SV2C: variants seen among roughly 807,000 people sequenced by gnomAD.
SV2C encodes the protein solute carrier family 22 member B3.
In SV2C, 49 loss-of-function variants were observed where a neutral mutation model predicts 79.7. The observed-to-expected ratio is 0.61, with a 90% CI of 0.49 to 0.78. The LOEUF is 0.78. Ranked by LOEUF, SV2C falls within the 30% of genes least tolerant of loss-of-function variation. The pLI is 0.00. For synonymous variants in SV2C, 334 were observed against 333.2 expected, an observed-to-expected ratio of 1.00 and a Z score of -0.03; for missense variants, 833 against 912.9, an observed-to-expected ratio of 0.91 and a Z score of 1.13.
the SV2C span, among the ~76,000 whole-genome samples, chr5:76,023,115 G>T: frequency 6.6e-6 from 1 of 152,268 alleles, no homozygotes; most frequent in Non-Finnish European, 1.5e-5. Context: ...ATTTGTAGAT[G>T]TGAGGTTCTA....
intron 4 of SV2C, among the ~76,000 whole-genome samples, chr5:76,222,682 G>A: frequency 6.6e-6 from 1 of 152,152 alleles, no homozygotes; most frequent in East Asian, 1.9e-4. Context: ...GTGTACATGG[G>A]ATCTCTCTGT....
At chr5:76,133,143 A>G (rs895085905) in intron 2 of SV2C, among the ~76,000 whole-genome samples, 15 of 152,208 alleles carry the variant, frequency 9.9e-5, no homozygotes, top group Non-Finnish European at 2.1e-4. Flanking sequence ...AGAAGCAAGC[A>G]TGCAGTGAAC....
chr5:76,134,864 T>C (rs1200446658), intron 2 of SV2C, among the ~76,000 whole-genome samples: 2 of 152,342 alleles, frequency 1.3e-5, no homozygotes, highest in South Asian at 2.1e-4. Context: ...GCACTTACTG[T>C]GTGTAAAGCA....
chr5:76,352,636 T>C (rs1006215184), intron 12 of SV2C, among the ~76,000 whole-genome samples: 83 of 152,338 alleles, frequency 5.4e-4, no homozygotes, highest in African/African-American at 1.9e-3. Context: ...GAAAGAAATA[T>C]GTTCTTTATA....
chr5:76,183,972 T>G (rs1157775693), intron 2 of SV2C, among the ~76,000 whole-genome samples: 1 of 152,238 alleles, frequency 6.6e-6, no homozygotes, highest in Non-Finnish European at 1.5e-5. Flanking sequence ...TGTTTCATTC[T>G]GTGGTAATTA....
At chr5:76,231,491 G>A (rs1265963579) in intron 4 of SV2C, among the ~76,000 whole-genome samples, 4 of 151,436 alleles carry the variant, frequency 2.6e-5, no homozygotes, top group Non-Finnish European at 5.9e-5. Context: ...CATTGTGCAG[G>A]TTAGTTACAT....
chr5:76,174,125 G>A, intron 2 of SV2C: 1 of 1,605,316 alleles, frequency 6.2e-7, no homozygotes, highest in South Asian at 1.1e-5. Flanking sequence ...AAATTGTACA[G>A]TCAAAGCAGA....
the SV2C span, among the ~76,000 whole-genome samples, chr5:75,904,309 TTAAGA>T: frequency 1.8e-3 from 278 of 152,086 alleles, 2 homozygotes; most frequent in African/African-American, 5.7e-3. Flanking sequence ...ATGGGGGCTC[TTAAGA>T]TATTTCTGAT....
chr5:76,033,802 G>A, the SV2C span, among the ~76,000 whole-genome samples: 9,110 of 151,998 alleles, frequency 0.06, 856 homozygotes, highest in African/African-American at 0.2. Context: ...TTGGTAGCTT[G>A]ATGGGGATGG....
At chr5:75,934,391 A>T in the SV2C span, among the ~76,000 whole-genome samples, 2 of 141,110 alleles carry the variant, frequency 1.4e-5, no homozygotes, top group Non-Finnish European at 3.0e-5. Context: ...GATTCAAATG[A>T]TTCTCCTGCC....
intron 2 of SV2C, among the ~76,000 whole-genome samples, chr5:76,135,729 A>G (rs1749046226): frequency 6.6e-6 from 1 of 152,194 alleles, no homozygotes; most frequent in Non-Finnish European, 1.5e-5. Context: ...AGGCTTTTCC[A>G]GGACATCAGG....
chr5:76,233,893 A>T (rs906691304), intron 4 of SV2C, among the ~76,000 whole-genome samples: 1 of 152,058 alleles, frequency 6.6e-6, no homozygotes, highest in Non-Finnish European at 1.5e-5. Context: ...ATATTGGTCT[A>T]AAATTCTCTT....
chr5:75,976,564 C>CCAGAGAG, the SV2C span, among the ~76,000 whole-genome samples: 6 of 151,506 alleles, frequency 4.0e-5, no homozygotes, highest in African/African-American at 1.5e-4. Context: ...TATAGTCTTC[C>CCAGAGAG]CAGAGAGCTT....
At chr5:76,176,451 A>G (rs1368106823) in intron 2 of SV2C, among the ~76,000 whole-genome samples, 1 of 152,150 alleles carries the variant, frequency 6.6e-6, no homozygotes, top group Non-Finnish European at 1.5e-5. Flanking sequence ...TTGGTGAGAA[A>G]GTTCACTCCA....
At chr5:76,031,367 A>G in the SV2C span, among the ~76,000 whole-genome samples, 1 of 152,156 alleles carries the variant, frequency 6.6e-6, no homozygotes, top group Non-Finnish European at 1.5e-5. Flanking sequence ...CATATCACCA[A>G]TCCCTCTGAC....
chr5:76,038,814 T>C, the SV2C span, among the ~76,000 whole-genome samples: 1 of 152,224 alleles, frequency 6.6e-6, no homozygotes, highest in Admixed American at 6.5e-5. Flanking sequence ...ACATCAATCA[T>C]TGCTTCTTTG....
the SV2C span, among the ~76,000 whole-genome samples, chr5:75,998,840 C>G: frequency 6.6e-6 from 1 of 152,082 alleles, no homozygotes; most frequent in Non-Finnish European, 1.5e-5. Context: ...CACTCTCTCT[C>G]TCTCTATTGT....
At chr5:76,104,209 A>G (rs1414202167) in intron 1 of SV2C, among the ~76,000 whole-genome samples, 1 of 152,162 alleles carries the variant, frequency 6.6e-6, no homozygotes, top group Non-Finnish European at 1.5e-5. Flanking sequence ...AACTGTTCTA[A>G]TGTCAGTATT....
chr5:76,018,640 G>A, the SV2C span, among the ~76,000 whole-genome samples: 1 of 152,076 alleles, frequency 6.6e-6, no homozygotes, highest in Non-Finnish European at 1.5e-5. Context: ...TTTCAATAAT[G>A]TATCAATGGT....
Sources: allele counts gnomAD v4.1 joint callset (sites outside exome capture counted in the v4.1 genomes callset), GRCh38; gene constraint gnomAD v4.1.1; transcripts MANE v1.5; gene names NCBI Gene and HGNC (gene_info 2026-07-23, HGNC 2026-07-21).